GNAI1: variants seen among roughly 807,000 people sequenced by gnomAD.
GNAI1 encodes the protein G protein subunit alpha i1.
In GNAI1, 11 loss-of-function variants were observed where a neutral mutation model predicts 38.9. The observed-to-expected ratio is 0.28, with a 90% CI of 0.18 to 0.47. The LOEUF (loss-of-function observed/expected upper bound fraction) is 0.47, where lower values mean the gene tolerates loss of function less well. GNAI1 is among the 20% of genes least tolerant of loss of function. GNAI1 has a pLI of 0.99. For synonymous variants in GNAI1, 166 were observed against 145.1 expected (o/e 1.14, Z -1.04); for missense variants, 317 against 436.9 (o/e 0.73, Z 2.45).
chr7:80,174,477 G>T (rs1584027271), intron 1 of GNAI1, among the ~76,000 whole-genome samples: 8 of 141,602 alleles, frequency 5.6e-5, no homozygotes, highest in Admixed American at 2.8e-4. Flanking sequence ...TTAGAATATT[G>T]GTATTTTTCT....
At chr7:80,187,778 T>C (rs1380810868) in intron 1 of GNAI1, among the ~76,000 whole-genome samples, 1 of 152,196 alleles carries the variant, frequency 6.6e-6, no homozygotes, top group Admixed American at 6.5e-5. Context: ...ACTTGTCATA[T>C]CTTCCATGTC....
chr7:80,204,844 A>G (rs557404636), intron 5 of GNAI1, among the ~76,000 whole-genome samples: 2 of 152,290 alleles, frequency 1.3e-5, no homozygotes, highest in South Asian at 4.1e-4. Context: ...ACATCACGGG[A>G]TATTCTACTG....
chr7:80,137,293 C>CTTTTTTTTTTTTCTTTTTTTTTTTT (rs1787433036), intron 1 of GNAI1, among the ~76,000 whole-genome samples: 2 of 95,262 alleles, frequency 2.1e-5, no homozygotes, highest in Non-Finnish European at 3.9e-5. Context: ...TTTCTTTTTT[C>CTTTTTTTTTTTTCTTTTTTTTTTTT]TTTTTTTTTT....
intron 7 of GNAI1, among the ~76,000 whole-genome samples, chr7:80,216,542 C>A (rs1788972538): frequency 6.6e-6 from 1 of 152,158 alleles, no homozygotes; most frequent in East Asian, 1.9e-4. Flanking sequence ...CATCTAGCTT[C>A]TTTTGCTCAA....
chr7:80,202,809 A>G (rs371779011), intron 4 of GNAI1, among the ~76,000 whole-genome samples: 1 of 152,198 alleles, frequency 6.6e-6, no homozygotes, highest in Non-Finnish European at 1.5e-5. Context: ...TTAAGGCTTT[A>G]TATAGCTTAC....
intron 1 of GNAI1, among the ~76,000 whole-genome samples, chr7:80,145,847 C>T (rs1787609647): frequency 6.6e-6 from 1 of 152,180 alleles, no homozygotes; most frequent in African/African-American, 2.4e-5. Context: ...TGCAGTTTTC[C>T]TTTCAATCTC....
At chr7:80,204,552 T>A (rs549778712) in intron 5 of GNAI1, among the ~76,000 whole-genome samples, 1 of 152,292 alleles carries the variant, frequency 6.6e-6, no homozygotes, top group African/African-American at 2.4e-5. Flanking sequence ...TGAGGAGAAC[T>A]GTTGGACTTA....
At chr7:80,215,034 T>G (rs1243630771) in intron 7 of GNAI1, among the ~76,000 whole-genome samples, 1 of 152,282 alleles carries the variant, frequency 6.6e-6, no homozygotes, top group South Asian at 2.1e-4. Flanking sequence ...CTCTTTTTCT[T>G]GTTTACACTC....
At chr7:80,152,613 T>C (rs940094190) in intron 1 of GNAI1, among the ~76,000 whole-genome samples, 1 of 143,128 alleles carries the variant, frequency 7.0e-6, no homozygotes, top group Non-Finnish European at 1.5e-5. Flanking sequence ...CACGCTGGAG[T>C]GCAGTGGCGC....
rs549689453 is a variant in GNAI1, at chr7:80,166,378, G to A, written c.119-22573G>A. On this transcript the variant is annotated intron_variant, in intron 1 of 7. Coordinates refer to ENST00000649796, the MANE Select transcript of GNAI1 (RefSeq NM_002069.6). ...TGATTGTTGGAGAAAACAGAATTTC[G>A]AAATTGTTTAAAAAAACAGAGGGGG... Among the ~76,000 whole-genome samples, 82 of 152,058 alleles carry A rather than the reference G, an allele frequency of 5.4e-4. 1 individual carries two copies. The South Asian group carries it at 0.015, about 28-fold the overall frequency.
intron 1 of GNAI1, among the ~76,000 whole-genome samples, chr7:80,152,054 C>G (rs561648337): frequency 6.6e-6 from 1 of 152,012 alleles, no homozygotes; most frequent in African/African-American, 2.4e-5. Context: ...TTTTAGTATA[C>G]GCTATTTCCT....
At chr7:80,158,047 A>G (rs1380476175) in intron 1 of GNAI1, among the ~76,000 whole-genome samples, 3 of 152,072 alleles carry the variant, frequency 2.0e-5, no homozygotes, top group African/African-American at 7.2e-5. Flanking sequence ...CCATCTGCAT[A>G]TCTTCTTTGG....
intron 1 of GNAI1, among the ~76,000 whole-genome samples, chr7:80,148,974 A>G (rs1787677930): frequency 6.6e-6 from 1 of 152,112 alleles, no homozygotes; most frequent in South Asian, 2.1e-4. Context: ...TATATGCAGT[A>G]TCAGTGTAGA....
Position 80,135,262 on chromosome 7 carries a change from C to T in GNAI1, c.102C>T (p.Val34=). ...ACGGCGAGAAGGCGGCGCGCGAGGT[C>T]AAGCTGCTGCTGCTCGGTAAGGGCG... The part of the protein sequence containing the change: ...REDGEKAARE[V]KLLLLGAGES... Residue 34 remains valine, a synonymous_variant, in exon 1 of 8, where the codon GTC becomes GTT. Transcript: ENST00000649796. 2 of 1,510,780 alleles carry T rather than the reference C, an allele frequency of 1.3e-6. No homozygotes were observed. Among genetic ancestry groups the T allele is most frequent in the East Asian group, 2.7e-5 (1 of 36,804 alleles). 93.6% of individuals were successfully genotyped at this position (1,510,780 alleles called of 1,614,324 possible). A position where few individuals can be genotyped will look rare whatever the true frequency, so the allele number is the denominator to read the frequency against.
At chr7:80,207,706 T>C (rs931699355) in intron 5 of GNAI1, among the ~76,000 whole-genome samples, 5 of 152,108 alleles carry the variant, frequency 3.3e-5, no homozygotes, top group African/African-American at 1.2e-4. Flanking sequence ...TTTGTGGTTT[T>C]TTTCGTGCTC....
At chr7:80,212,908 A>G in intron 7 of GNAI1, 39 bp downstream of exon 7, 5 of 1,384,728 alleles carry the variant, frequency 3.6e-6, no homozygotes, top group Non-Finnish European at 4.9e-6. Flanking sequence ...CAAGTTACAT[A>G]TTTCTAAGTG....
At chr7:80,144,249 A>G (rs1188038543) in intron 1 of GNAI1, among the ~76,000 whole-genome samples, 2 of 151,382 alleles carry the variant, frequency 1.3e-5, no homozygotes, top group East Asian at 3.9e-4. Flanking sequence ...TTTTTGGAAA[A>G]TAAAGCTGTT....
At chr7:80,205,993 G>A (rs1004044600) in intron 5 of GNAI1, among the ~76,000 whole-genome samples, 1 of 151,960 alleles carries the variant, frequency 6.6e-6, no homozygotes, top group Non-Finnish European at 1.5e-5. Context: ...GGAAAAAAAG[G>A]TTCCTAAGTG....
Position 80,188,940 on chromosome 7 carries a change from T to C in GNAI1, c.119-11T>C. On this transcript the variant is annotated splice_polypyrimidine_tract_variant and intron_variant, in intron 1 of 7. Coordinates refer to ENST00000649796, the MANE Select transcript of GNAI1 (RefSeq NM_002069.6). ...ATGAAATTAGAAACCTTTTATGTTTTATATTTTTAGGTGCTGGTGAATCTG... is the reference window on the plus strand; with the variant it reads ...ATGAAATTAGAAACCTTTTATGTTTCATATTTTTAGGTGCTGGTGAATCTG... The C allele has an allele frequency of 6.3e-7, 1 of 1,587,642 alleles. No individual in the cohort carries two copies. The highest frequency in any genetic ancestry group is 8.6e-7 in the Non-Finnish European group (1 of 1,158,064).
Sources: gnomAD v4.1 joint callset for allele counts (sites outside exome capture counted in the v4.1 genomes callset) on GRCh38, gnomAD v4.1.1 for gene constraint, MANE v1.5 for transcripts, NCBI Gene and HGNC (gene_info 2026-07-23, HGNC 2026-07-21) for gene names.